ITPKB: variants seen among roughly 807,000 people sequenced by gnomAD.
The protein encoded by ITPKB is IP3 3-kinase B.
In ITPKB, 13 loss-of-function variants were observed where a neutral mutation model predicts 69.4. That is an observed-to-expected ratio of 0.19 (90% confidence interval 0.12 to 0.30). The LOEUF (loss-of-function observed/expected upper bound fraction) is 0.30. Ranked by LOEUF, ITPKB falls within the 10% of genes least tolerant of loss-of-function variation. ITPKB has a pLI of 1.00. For synonymous variants in ITPKB, 584 were observed against 513.7 expected, an observed-to-expected ratio of 1.14 and a Z score of -1.85; for missense variants, 1,240 against 1,250.5, an observed-to-expected ratio of 0.99 and a Z score of 0.13.
intron 2 of ITPKB, among the ~76,000 whole-genome samples, chr1:226,712,601 AG>A (rs1214057125): frequency 1.3e-5 from 2 of 152,202 alleles, no homozygotes; most frequent in African/African-American, 4.8e-5. Context: ...CTCGGCTGGA[AG>A]GAAGTGGGCT....
At chr1:226,661,824 C>T (rs1327043859) in intron 2 of ITPKB, among the ~76,000 whole-genome samples, 2 of 152,186 alleles carry the variant, frequency 1.3e-5, no homozygotes, top group Non-Finnish European at 2.9e-5. Flanking sequence ...TGGGAGACAG[C>T]TCTGTATGAG....
intron 2 of ITPKB, among the ~76,000 whole-genome samples, chr1:226,728,781 C>T (rs1182995089): frequency 1.3e-5 from 2 of 152,172 alleles, no homozygotes; most frequent in African/African-American, 4.8e-5. Context: ...TTACTCTCCC[C>T]ATTTTTCAGA....
chr1:226,654,599 T>C (rs1307962921), intron 2 of ITPKB, among the ~76,000 whole-genome samples: 3 of 152,140 alleles, frequency 2.0e-5, no homozygotes, highest in African/African-American at 2.4e-5. Flanking sequence ...GGAGCCTTCC[T>C]GGGCAAGCAG....
In ITPKB at chr1:226,647,319, G is replaced by A; in HGVS notation, c.2094C>T (p.Arg698=). Residue 698 remains arginine, a synonymous_variant, in exon 4 of 8, where the codon CGC becomes CGT. Transcript: ENST00000429204. ...ILKKHCESEQ[R]CLDRLMVDVL... Reference sequence around the variant, plus strand: ...CATCCACCATCAGCCGGTCCAGGCAGCGCTGCTCTGACTCACAGTGCTTCT... The same window carrying A: ...CATCCACCATCAGCCGGTCCAGGCAACGCTGCTCTGACTCACAGTGCTTCT... The A allele has an allele frequency of 1.2e-6, 2 of 1,614,218 alleles. No homozygotes were observed. The highest frequency in any genetic ancestry group is 1.7e-6 in the Non-Finnish European group (2 of 1,180,024).
chr1:226,695,302 C>T (rs1656451719), intron 2 of ITPKB, among the ~76,000 whole-genome samples: 1 of 152,108 alleles, frequency 6.6e-6, no homozygotes, highest in African/African-American at 2.4e-5. Context: ...TTACAAAAAT[C>T]AAGAGTCAAA....
intron 2 of ITPKB, among the ~76,000 whole-genome samples, chr1:226,731,394 T>C (rs1285641713): frequency 1.3e-5 from 2 of 152,224 alleles, no homozygotes; most frequent in Admixed American, 1.3e-4. Context: ...AGATAGAAGA[T>C]AGGCAGATCA....
intron 2 of ITPKB, among the ~76,000 whole-genome samples, chr1:226,725,332 CT>C (rs1211114003): frequency 6.6e-6 from 1 of 151,900 alleles, no homozygotes; most frequent in Non-Finnish European, 1.5e-5. Context: ...GCAAAGTGCA[CT>C]TCTCAAAGTG....
At chr1:226,655,809 T>A (rs1423977242) in intron 2 of ITPKB, among the ~76,000 whole-genome samples, 1 of 152,172 alleles carries the variant, frequency 6.6e-6, no homozygotes, top group Non-Finnish European at 1.5e-5. Flanking sequence ...TCAGTGCAAT[T>A]TGGGGTGGGT....
Position 226,736,571 on chromosome 1 carries a change from G to C in ITPKB, c.888C>G (p.Phe296Leu), listed in dbSNP as rs769406538. The change falls in exon 2 of 8, where the codon TTC becomes TTG. Residue 296 changes from phenylalanine to leucine, a missense_variant. Physicochemically the swap from Phe to Leu is conservative, Grantham distance 22. Around this residue, in one of 2 missense-constraint regions of ITPKB, gnomAD observed 992 missense variants for 853.8 expected, o/e 1.16. Coordinates refer to ENST00000429204, the MANE Select transcript of ITPKB (RefSeq NM_002221.4). ...RSCLAPSLGL[F>L]GASLTMATEV... Reference sequence around the variant, plus strand: ...CCGTGGCCATCGTTAAGCTAGCTCCGAACAGCCCCAATGAGGGAGCTAGGC... The same window carrying C: ...CCGTGGCCATCGTTAAGCTAGCTCCCAACAGCCCCAATGAGGGAGCTAGGC... 2 of 1,613,862 alleles carry C rather than the reference G, an allele frequency of 1.2e-6. No homozygotes were observed. Among genetic ancestry groups the C allele is most frequent in the Non-Finnish European group, 1.7e-6 (2 of 1,180,046 alleles).
chr1:226,729,436 C>T (rs1388479958), intron 2 of ITPKB, among the ~76,000 whole-genome samples: 1 of 137,256 alleles, frequency 7.3e-6, no homozygotes, highest in Admixed American at 7.9e-5. Flanking sequence ...GAGCCGATAT[C>T]ATGCCACTGC....
chr1:226,697,405 T>C (rs757200575), intron 2 of ITPKB, among the ~76,000 whole-genome samples: 6 of 152,150 alleles, frequency 3.9e-5, no homozygotes, highest in Non-Finnish European at 8.8e-5. Flanking sequence ...GAAACAGAAT[T>C]TCCCCCTTTA....
chr1:226,648,675 C>A lies in ITPKB; in HGVS notation c.2029G>T (p.Ala677Ser). 1.3e-6 allele frequency: 2 copies of A among 1,594,766 alleles called. No individual in the cohort carries two copies. The highest frequency in any genetic ancestry group is 1.7e-6 in the Non-Finnish European group (2 of 1,162,316). The stretch of plus-strand genomic sequence containing the variant: ...AGTCTGGGAGAGCTGTGTCTACCTG[C>A]GTGTCCTGCCAGCTGGATCCAGGGG... ...KYPWIQLAGHAGSFKAAANGR... is the reference protein window; with the variant it reads ...KYPWIQLAGHSGSFKAAANGR... The change falls in exon 3 of 8, where the codon GCA (alanine) becomes TCA (serine). Residue 677 changes from alanine to serine, a missense_variant. Ala to Ser is a moderately conservative substitution (Grantham distance 99). This residue lies in a region of ITPKB where 248 missense variants were observed against 396.7 expected (regional missense o/e 0.63). Coordinates refer to ENST00000429204, the MANE Select transcript of ITPKB (RefSeq NM_002221.4).
Position 226,637,698 on chromosome 1 carries a change from G to A in ITPKB, c.2606C>T (p.Pro869Leu). The A allele has an allele frequency of 1.9e-6, 3 of 1,613,806 alleles. No homozygotes were observed. The highest frequency in any genetic ancestry group is 2.2e-5 in the South Asian group (2 of 91,044). The stretch of plus-strand genomic sequence containing the variant: ...ATCTACCTCGTGGCACTTGAAGAAG[G>A]GAGAAACTTCTAGAGTGGTTCGAAT... ...KAIRTTLEVS[P>L]FFKCHEVIGS... is the part of the protein sequence containing the mutation. The change falls in exon 7 of 8, where the codon CCC (proline) becomes CTC (leucine). Residue 869 changes from proline (P) to leucine (L), a missense_variant. This residue lies in a region of ITPKB where 248 missense variants were observed against 396.7 expected (regional missense o/e 0.63). Transcript: ENST00000429204. This position sits in a 1 kb window ranked among gnomAD's most constrained non-coding sequence, Gnocchi z 4.3.
rs1214700059 is a variant in ITPKB, at chr1:226,637,599, C to T, written c.2625+80G>A. On this transcript the variant is annotated intron_variant, in intron 7 of 7. Coordinates refer to ENST00000429204, the MANE Select transcript of ITPKB (RefSeq NM_002221.4). The surrounding 1 kb of genome is among the most constrained non-coding windows in gnomAD (Gnocchi z 4.3). ...CACCACCCTGAAAATGCCCGATGCC[C>T]CGGGCTTCTGGAAGGAGAAGGAGAA... The T allele has an allele frequency of 3.4e-6, 4 of 1,160,536 alleles. No homozygotes were observed. Among genetic ancestry groups the T allele is most frequent in the Non-Finnish European group, 5.1e-6 (4 of 777,916 alleles). 71.9% of individuals were successfully genotyped at this position (1,160,536 alleles called of 1,614,324 possible).
intron 4 of ITPKB, among the ~76,000 whole-genome samples, chr1:226,644,475 G>T (rs983690723): frequency 6.6e-6 from 1 of 152,216 alleles, no homozygotes; most frequent in African/African-American, 2.4e-5. Context: ...CTAGGTGCTA[G>T]GGGCGGGCTC....
chr1:226,694,557 T>C (rs556894271), intron 2 of ITPKB, among the ~76,000 whole-genome samples: 27 of 152,338 alleles, frequency 1.8e-4, no homozygotes, highest in African/African-American at 6.5e-4. Context: ...CTTATCTCAT[T>C]TGAGCCTCCA....
chr1:226,648,794 C>T, intron 2 of ITPKB, 23 bp from the exon 3 acceptor site: 1 of 1,469,394 alleles, frequency 6.8e-7, no homozygotes, highest in Non-Finnish European at 9.5e-7. Flanking sequence ...AAACAAAAAG[C>T]TCTACATTAG....
chr1:226,702,018 A>G (rs539356305), intron 2 of ITPKB, among the ~76,000 whole-genome samples: 1 of 152,294 alleles, frequency 6.6e-6, no homozygotes, highest in South Asian at 2.1e-4. Flanking sequence ...TGCTTGCCTA[A>G]GACCAGAGAA....
At chr1:226,723,964 A>G (rs1571876182) in intron 2 of ITPKB, among the ~76,000 whole-genome samples, 1 of 152,284 alleles carries the variant, frequency 6.6e-6, no homozygotes, top group East Asian at 1.9e-4. Context: ...TGTACTTGGG[A>G]CAACGTGACT....
Sources: allele counts gnomAD v4.1 joint callset (sites outside exome capture counted in the v4.1 genomes callset), GRCh38; gene constraint gnomAD v4.1.1; regional missense constraint gnomAD v4.1.1; non-coding constraint Gnocchi (gnomAD v3.1); transcripts MANE v1.5; gene names NCBI Gene and HGNC (gene_info 2026-07-23, HGNC 2026-07-21).